PDE5A: variants seen among roughly 807,000 people sequenced by gnomAD.
The protein encoded by PDE5A is phosphodiesterase 5A.
Under a neutral mutation model 110.2 loss-of-function variants are expected in PDE5A, and 67 were observed. The observed-to-expected ratio is 0.61, with a 90% confidence interval of 0.50 to 0.75. PDE5A has a LOEUF of 0.75. Among genes scored for constraint, PDE5A ranks in the 30% least tolerant of loss-of-function variants. The pLI, the probability that PDE5A is intolerant of heterozygous loss-of-function variation, is 0.00. For missense variants in PDE5A, 862 were observed against 1,045.1 expected (o/e 0.82, Z 2.42); for synonymous variants, 328 against 351.2 (o/e 0.93, Z 0.74).
At chr4:119,516,679 G>A (rs1725918912) in intron 14 of PDE5A, among the ~76,000 whole-genome samples, 1 of 152,006 alleles carries the variant, frequency 6.6e-6, no homozygotes, top group Non-Finnish European at 1.5e-5. Context: ...CATCAGTGGC[G>A]AGATCACAGC....
chr4:119,542,369 G>C (rs754373922), intron 10 of PDE5A, 90 bp downstream of exon 10: 300 of 1,192,654 alleles, frequency 2.5e-4, no homozygotes, highest in Non-Finnish European at 2.3e-5. Flanking sequence ...CACAATGACG[G>C]AACACACACA....
intron 9 of PDE5A, among the ~76,000 whole-genome samples, chr4:119,551,161 G>A (rs1268474804): frequency 6.6e-6 from 1 of 152,170 alleles, no homozygotes; most frequent in Non-Finnish European, 1.5e-5. Context: ...CAGTAACTAA[G>A]TTGACAAGAC....
intron 3 of PDE5A, among the ~76,000 whole-genome samples, chr4:119,576,088 GA>G (rs1560623386): frequency 6.6e-6 from 1 of 152,172 alleles, no homozygotes; most frequent in African/African-American, 2.4e-5. Context: ...AAGAGACAAA[GA>G]AGGCCATTAC....
chr4:119,538,728 A>ATT lies in PDE5A; in HGVS notation c.1632+231_1632+232insAA. 9.2e-6 allele frequency: 4 copies of ATT among 436,192 alleles called. No individual in the cohort carries two copies. In the South Asian group the frequency reaches 1.3e-4, roughly 14 times the overall value. The allele number at this position is 436,192 out of a possible 1,614,324, so 27.0% of individuals were successfully genotyped here. A position where few individuals can be genotyped will look rare whatever the true frequency, so the allele number is the denominator to read the frequency against. On this transcript the variant is annotated intron_variant, in intron 11 of 20. Coordinates refer to ENST00000354960, the MANE Select transcript of PDE5A (RefSeq NM_001083.4). ...TAAATTTAATTTTGGCCCCAAAAAG[A>ATT]TGTAATGATTATAACAATTACTGGA...
chr4:119,599,712 TACACACACACACAC>T (rs3056797), intron 2 of PDE5A, among the ~76,000 whole-genome samples: 3 of 147,240 alleles, frequency 2.0e-5, no homozygotes, highest in African/African-American at 7.5e-5. Context: ...CAAGTGTGTA[TACACACACACACAC>T]ACACACACAC....
chr4:119,608,796 T>C (rs113618360), intron 1 of PDE5A, among the ~76,000 whole-genome samples: 2,586 of 152,272 alleles, frequency 0.017, 70 homozygotes, highest in African/African-American at 0.059. Flanking sequence ...ATAAACAAGT[T>C]TGACAATGTA....
intron 9 of PDE5A, chr4:119,542,944 A>T (rs1726994605): frequency 4.4e-6 from 1 of 227,828 alleles, no homozygotes. Flanking sequence ...TTGGAAGCTA[A>T]TTGGATTTTT....
chr4:119,545,905 C>T (rs1378714311), intron 9 of PDE5A, among the ~76,000 whole-genome samples: 2 of 152,134 alleles, frequency 1.3e-5, no homozygotes, highest in South Asian at 2.1e-4. Flanking sequence ...TTTGTTTCTG[C>T]ACTTTTCATT....
chr4:119,508,277 A>G (rs915169530), intron 15 of PDE5A, among the ~76,000 whole-genome samples: 9 of 151,996 alleles, frequency 5.9e-5, no homozygotes, highest in Non-Finnish European at 7.4e-5. Context: ...AACATCTATA[A>G]GGAATATTTA....
At chr4:119,529,621 T>C (rs1332626500) in intron 11 of PDE5A, among the ~76,000 whole-genome samples, 2 of 152,184 alleles carry the variant, frequency 1.3e-5, no homozygotes, top group Non-Finnish European at 2.9e-5. Context: ...CCTATGTATG[T>C]AGAAGTTTCC....
chr4:119,550,596 T>C (rs1189943113), intron 9 of PDE5A, among the ~76,000 whole-genome samples: 1 of 152,146 alleles, frequency 6.6e-6, no homozygotes, highest in South Asian at 2.1e-4. Flanking sequence ...CGTAACTTCC[T>C]CCAGCCACTC....
At chr4:119,520,837 A>G (rs1726101801) in intron 13 of PDE5A, 98 bp downstream of exon 13, 1 of 998,096 alleles carries the variant, frequency 1.0e-6, no homozygotes, top group Admixed American at 2.7e-5. Flanking sequence ...ATTATTTTAA[A>G]TCATTGTGCA....
At chr4:119,587,672 C>A (rs934922732) in intron 3 of PDE5A, among the ~76,000 whole-genome samples, 1 of 152,200 alleles carries the variant, frequency 6.6e-6, no homozygotes, top group Non-Finnish European at 1.5e-5. Flanking sequence ...GTGTGAGCCA[C>A]CATGCCTGGC....
intron 3 of PDE5A, among the ~76,000 whole-genome samples, chr4:119,591,073 C>A (rs923553825): frequency 6.6e-6 from 1 of 152,158 alleles, no homozygotes; most frequent in Non-Finnish European, 1.5e-5. Context: ...AAACATGTTT[C>A]TCTTAAGTTT....
At chr4:119,541,319 T>C (rs1459506274) in intron 10 of PDE5A, among the ~76,000 whole-genome samples, 1 of 151,394 alleles carries the variant, frequency 6.6e-6, no homozygotes, top group Non-Finnish European at 1.5e-5. Flanking sequence ...ATATATTTTA[T>C]AATAAACACA....
chr4:119,515,458 T>C (rs1725877665), intron 14 of PDE5A, among the ~76,000 whole-genome samples: 1 of 152,064 alleles, frequency 6.6e-6, no homozygotes, highest in Non-Finnish European at 1.5e-5. Context: ...CCTGATTGTA[T>C]TGCATCTCTA....
intron 1 of PDE5A, among the ~76,000 whole-genome samples, chr4:119,608,054 T>C (rs1268727159): frequency 6.6e-6 from 1 of 152,214 alleles, no homozygotes; most frequent in Non-Finnish European, 1.5e-5. Flanking sequence ...CTATTTTAGA[T>C]AGTTATATCT....
chr4:119,587,842 T>C (rs1461860822), intron 3 of PDE5A, among the ~76,000 whole-genome samples: 1 of 152,252 alleles, frequency 6.6e-6, no homozygotes, highest in Non-Finnish European at 1.5e-5. Flanking sequence ...AACTGTAACA[T>C]TTATTTCCTC....
chr4:119,500,921 C>T (rs1329372774), intron 20 of PDE5A: 1 of 471,148 alleles, frequency 2.1e-6, no homozygotes, highest in Non-Finnish European at 3.8e-6. Flanking sequence ...GTAACACTGG[C>T]ACATAATTCT....
Sources: gnomAD v4.1 joint callset for allele counts (sites outside exome capture counted in the v4.1 genomes callset) on GRCh38, gnomAD v4.1.1 for gene constraint, MANE v1.5 for transcripts, NCBI Gene and HGNC (gene_info 2026-07-23, HGNC 2026-07-21) for gene names.